JMY: variants seen among roughly 807,000 people sequenced by gnomAD.
JMY encodes junction-mediating and -regulatory protein.
JMY carries 46 observed loss-of-function variants against 103.3 expected under a neutral mutation model. That is an observed-to-expected ratio of 0.45 (90% CI 0.35 to 0.57). JMY has a LOEUF of 0.57. Among genes scored for constraint, JMY ranks in the 20% least tolerant of loss-of-function variants. The probability of loss-of-function intolerance (pLI) is 0.00; values close to 1 mark genes in which losing one functional copy is unlikely to be tolerated. For synonymous variants in JMY, 526 were observed against 489.3 expected (o/e 1.07, Z -0.99); for missense variants, 1,238 against 1,255.2 (o/e 0.99, Z 0.21).
intron 4 of JMY, among the ~76,000 whole-genome samples, chr5:79,299,358 G>C (rs180800879): frequency 6.6e-6 from 1 of 151,588 alleles, no homozygotes; most frequent in African/African-American, 2.4e-5. Context: ...GCCTTTTTCC[G>C]TACAGCCAAA....
Position 79,236,569 on chromosome 5 carries a change from G to T in JMY, c.-82G>T, listed in dbSNP as rs981534305. Reference sequence around the variant, plus strand: ...CTGAAGGCGCCCGGCGAGGGTGAGCGGGGGGCGCGGCGCAGCCAGCGGGGA... The same window carrying T: ...CTGAAGGCGCCCGGCGAGGGTGAGCTGGGGGCGCGGCGCAGCCAGCGGGGA... On this transcript the variant is annotated 5_prime_UTR_variant, in exon 1 of 11. Transcript: ENST00000396137. The T allele has an allele frequency of 1.2e-5, 14 of 1,145,096 alleles. No individual in the cohort carries two copies. The South Asian group carries it at 1.6e-4, about 13-fold the overall frequency. 70.9% of individuals were successfully genotyped at this position (1,145,096 alleles called of 1,614,324 possible).
intron 1 of JMY, among the ~76,000 whole-genome samples, chr5:79,276,833 T>C (rs1280780394): frequency 5.3e-5 from 8 of 151,880 alleles, no homozygotes; most frequent in Non-Finnish European, 1.0e-4. Context: ...TTTCAATTAC[T>C]GGACCTTGTG....
intron 1 of JMY, among the ~76,000 whole-genome samples, chr5:79,242,799 T>A (rs1744780291): frequency 6.6e-6 from 1 of 151,848 alleles, no homozygotes; most frequent in African/African-American, 2.4e-5. Context: ...TTTTTTTTTT[T>A]TAAAGACAGT....
At chr5:79,278,231 A>T (rs1746003904) in intron 2 of JMY, 148 bp downstream of exon 2, 4 of 683,574 alleles carry the variant, frequency 5.9e-6, no homozygotes, top group Admixed American at 3.0e-5. Flanking sequence ...TGTTTGGTAG[A>T]ATAGGGTTGT....
rs1744527316 is a variant in JMY, at chr5:79,236,936, G to A, written c.286G>A (p.Ala96Thr). The change falls in exon 1 of 11, where the codon GCA becomes ACA. Residue 96 changes from alanine (A) to threonine (T), a missense_variant. By Grantham distance (58) the Ala-to-Thr change is moderately conservative. Transcript: ENST00000396137. ...GGGTCGGCCCGAGGCCACTGCCTCTGCAACTCTGGTTAGGAGCCCCGGGCC... is the reference window on the plus strand; with the variant it reads ...GGGTCGGCCCGAGGCCACTGCCTCTACAACTCTGGTTAGGAGCCCCGGGCC... The part of the protein sequence containing the change: ...GRGRPEATAS[A>T]TLVRSPGPRR... The A allele has an allele frequency of 4.9e-6, 7 of 1,430,744 alleles. No homozygotes were observed. The East Asian group carries it at 1.6e-4, about 33-fold the overall frequency. 88.6% of individuals were successfully genotyped at this position (1,430,744 alleles called of 1,614,324 possible). A position where few individuals can be genotyped will look rare whatever the true frequency, so the allele number is the denominator to read the frequency against.
chr5:79,285,146 C>A (rs1348721132), intron 2 of JMY, among the ~76,000 whole-genome samples: 1 of 152,132 alleles, frequency 6.6e-6, no homozygotes, highest in African/African-American at 2.4e-5. Flanking sequence ...ACTTGCATTT[C>A]TTTCTGTTGT....
chr5:79,299,388 T>C (rs1009670831), intron 4 of JMY, among the ~76,000 whole-genome samples: 1 of 152,198 alleles, frequency 6.6e-6, no homozygotes, highest in African/African-American at 2.4e-5. Flanking sequence ...ATAGAAATAG[T>C]AGGGTTAGGA....
At chr5:79,273,932 G>A (rs1303594404) in intron 1 of JMY, among the ~76,000 whole-genome samples, 1 of 152,056 alleles carries the variant, frequency 6.6e-6, no homozygotes, top group African/African-American at 2.4e-5. Context: ...CCGGGTTCAT[G>A]CCATTCTTCT....
intron 1 of JMY, among the ~76,000 whole-genome samples, chr5:79,277,592 C>T (rs1240179709): frequency 2.0e-5 from 3 of 151,612 alleles, no homozygotes; most frequent in African/African-American, 7.3e-5. Flanking sequence ...AAGCTGAGAT[C>T]GCACCATTGC....
intron 4 of JMY, among the ~76,000 whole-genome samples, chr5:79,297,317 G>A (rs1184955809): frequency 6.6e-6 from 1 of 152,090 alleles, no homozygotes; most frequent in Non-Finnish European, 1.5e-5. Context: ...TTCTTGCCCA[G>A]GGAAGCACTG....
At chr5:79,247,371 C>T (rs1223764943) in intron 1 of JMY, among the ~76,000 whole-genome samples, 5 of 151,942 alleles carry the variant, frequency 3.3e-5, no homozygotes, top group African/African-American at 4.8e-5. Context: ...GGCGTGATCT[C>T]GGTTCACTGC....
chr5:79,270,742 C>T (rs1400441239), intron 1 of JMY, among the ~76,000 whole-genome samples: 4 of 146,570 alleles, frequency 2.7e-5, no homozygotes, highest in African/African-American at 1.0e-4. Flanking sequence ...ACCATAAATA[C>T]TTTCTCACCA....
rs73769608 is a variant in JMY, at chr5:79,290,320, G to C, written c.1357+49G>C. On this transcript the variant is annotated intron_variant, in intron 3 of 10. Coordinates refer to ENST00000396137, the MANE Select transcript of JMY (RefSeq NM_152405.5). The stretch of plus-strand genomic sequence containing the variant: ...CTTTAGGTATTTTTGAAAATGAGTG[G>C]TTAAGTATTTTATGTTCAGAAAAAT... 2.2e-5 allele frequency: 28 copies of C among 1,297,028 alleles called. No individual in the cohort carries two copies. The African/African-American group carries it at 3.1e-4, about 15-fold the overall frequency. The allele number at this position is 1,297,028 out of a possible 1,614,324, so 80.3% of individuals were successfully genotyped here. A position where few individuals can be genotyped will look rare whatever the true frequency, so the allele number is the denominator to read the frequency against.
intron 1 of JMY, among the ~76,000 whole-genome samples, chr5:79,245,990 T>C (rs186757255): frequency 1.3e-5 from 2 of 152,286 alleles, no homozygotes; most frequent in East Asian, 3.9e-4. Flanking sequence ...TTAATATTGC[T>C]AGTGTTTTTA....
At position 79,237,519 on chromosome 5, in the gene JMY, A is replaced by T; in HGVS notation, c.869A>T (p.Gln290Leu). The change falls in exon 1 of 11, where the codon CAG (glutamine) becomes CTG (leucine). Residue 290 changes from glutamine (Q) to leucine (L), a missense_variant. Gln to Leu is a moderately radical substitution (Grantham distance 113, BLOSUM62 -2). Transcript: ENST00000396137. Reference sequence around the variant, plus strand: ...ATCGACACTCTGTGTTACCAGCTCCAGGTCTACCTGGGCCACGGCCTGGAC... The same window carrying T: ...ATCGACACTCTGTGTTACCAGCTCCTGGTCTACCTGGGCCACGGCCTGGAC... ...QEIDTLCYQL[Q>L]VYLGHGLDTC... 6.2e-7 allele frequency: 1 copy of T among 1,613,698 alleles called. No individual in the cohort carries two copies. Among genetic ancestry groups the T allele is most frequent in the Non-Finnish European group, 8.5e-7 (1 of 1,179,996 alleles).
At chr5:79,246,075 GTGT>G (rs1301225494) in intron 1 of JMY, among the ~76,000 whole-genome samples, 1 of 152,162 alleles carries the variant, frequency 6.6e-6, no homozygotes, top group African/African-American at 2.4e-5. Flanking sequence ...CATTTTGTGT[GTGT>G]TTATCCTTAC....
rs546549493 is a variant in JMY at position 79,242,155 on chromosome 5, A to G, written c.1032+4473A>G. Among the ~76,000 whole-genome samples the G allele has an allele frequency of 2.0e-5, 3 of 152,316 alleles. No homozygotes were observed. The South Asian group carries it at 6.2e-4, about 32-fold the overall frequency. On this transcript the variant is annotated intron_variant, in intron 1 of 10. Coordinates refer to ENST00000396137, the MANE Select transcript of JMY (RefSeq NM_152405.5). ...TTCTAACTTCTCTTCTGTTGAAACC[A>G]CGGTTTGGAAGTAGCATGTGTTTTC... is the stretch of plus-strand genomic sequence containing the variant.
chr5:79,292,597 G>A (rs1195822750), intron 4 of JMY, among the ~76,000 whole-genome samples: 3 of 152,110 alleles, frequency 2.0e-5, no homozygotes, highest in Admixed American at 2.0e-4. Context: ...CTGGAGTTAA[G>A]GTCCATGCCC....
At chr5:79,273,894 T>G (rs1375709359) in intron 1 of JMY, among the ~76,000 whole-genome samples, 1 of 152,110 alleles carries the variant, frequency 6.6e-6, no homozygotes, top group Non-Finnish European at 1.5e-5. Context: ...GCAATGGCGC[T>G]ATCTCGGCTC....
Sources: allele counts gnomAD v4.1 joint callset (sites outside exome capture counted in the v4.1 genomes callset), GRCh38; gene constraint gnomAD v4.1.1; transcripts MANE v1.5; gene names NCBI Gene and HGNC (gene_info 2026-07-23, HGNC 2026-07-21).